The following PLPPR1 variants were observed in gnomAD, a reference collection of about 807,000 sequenced individuals.
PLPPR1 encodes phospholipid phosphatase related 1, also known as phospholipid phosphatase-related protein type 1.
In PLPPR1, 10 loss-of-function variants were observed where a neutral mutation model predicts 33.1. The ratio of observed to expected loss-of-function variants is 0.30; its 90% CI spans 0.19 to 0.51. The LOEUF is 0.51. PLPPR1 is among the 20% of genes least tolerant of loss of function. The pLI, the probability that PLPPR1 is intolerant of heterozygous loss-of-function variation, is 0.97. For synonymous variants in PLPPR1, 151 were observed against 151.0 expected (o/e 1.00, Z 0.00); for missense variants, 304 against 408.1 (o/e 0.74, Z 2.20).
intron 5 of PLPPR1, among the ~76,000 whole-genome samples, chr9:101,312,053 A>T (rs573276667): frequency 3.0e-4 from 45 of 152,368 alleles, no homozygotes; most frequent in African/African-American, 1.0e-3. Flanking sequence ...CTCAGGTGTC[A>T]TAACGTGTAT....
At chr9:101,139,211 A>T (rs1316514549) in intron 1 of PLPPR1, among the ~76,000 whole-genome samples, 1 of 152,192 alleles carries the variant, frequency 6.6e-6, no homozygotes, top group African/African-American at 2.4e-5. Context: ...ATAAAGACAG[A>T]ACTGTGTTCA....
intron 1 of PLPPR1, chr9:101,185,232 A>T: frequency 2.6e-6 from 1 of 390,232 alleles, no homozygotes; most frequent in South Asian, 8.0e-5. Context: ...TGACCTGGTC[A>T]TTTTGGCTGT....
chr9:101,060,752 AGTT>A (rs906823390), intron 1 of PLPPR1, among the ~76,000 whole-genome samples: 2 of 151,876 alleles, frequency 1.3e-5, no homozygotes, highest in Non-Finnish European at 2.9e-5. Flanking sequence ...TTCTCTCTAA[AGTT>A]GTCACTTTAG....
chr9:101,125,975 T>A, intron 1 of PLPPR1: 1 of 249,552 alleles, frequency 4.0e-6, no homozygotes. Flanking sequence ...ACCATGAAAC[T>A]GAAGCTTCAA....
chr9:101,165,183 G>C (rs1825838061), intron 1 of PLPPR1, among the ~76,000 whole-genome samples: 1 of 152,190 alleles, frequency 6.6e-6, no homozygotes, highest in African/African-American at 2.4e-5. Flanking sequence ...TTTGGAGTCT[G>C]ACTGAAAGAA....
intron 1 of PLPPR1, among the ~76,000 whole-genome samples, chr9:101,135,653 T>C (rs1392766352): frequency 1.3e-5 from 2 of 152,220 alleles, no homozygotes; most frequent in Admixed American, 1.3e-4. Flanking sequence ...TCCTGAATTA[T>C]GTTGGTCATT....
chr9:101,223,059 T>A (rs1338830682), intron 2 of PLPPR1, among the ~76,000 whole-genome samples: 1 of 145,352 alleles, frequency 6.9e-6, no homozygotes, highest in Non-Finnish European at 1.5e-5. Flanking sequence ...ACACAGGTAA[T>A]CCCTGTGCTG....
chr9:101,046,764 A>T (rs966613115), intron 1 of PLPPR1, among the ~76,000 whole-genome samples: 1 of 151,774 alleles, frequency 6.6e-6, no homozygotes, highest in African/African-American at 2.4e-5. Context: ...GTGTTACAAA[A>T]CCCAGTAAAA....
At chr9:101,054,912 G>A (rs890121198) in intron 1 of PLPPR1, among the ~76,000 whole-genome samples, 1 of 152,188 alleles carries the variant, frequency 6.6e-6, no homozygotes, top group African/African-American at 2.4e-5. Context: ...CGGCCCTGCT[G>A]TGAGCATGAA....
intron 1 of PLPPR1, among the ~76,000 whole-genome samples, chr9:101,180,207 T>C (rs554757477): frequency 7.3e-6 from 1 of 137,636 alleles, no homozygotes; most frequent in East Asian, 2.3e-4. Flanking sequence ...TACACACACA[T>C]ATATATACAC....
chr9:101,215,424 G>T (rs982622109), intron 2 of PLPPR1, among the ~76,000 whole-genome samples: 2 of 152,088 alleles, frequency 1.3e-5, no homozygotes, highest in African/African-American at 4.8e-5. Context: ...AGATCACAGG[G>T]CGTGCGCCAC....
intron 5 of PLPPR1, among the ~76,000 whole-genome samples, chr9:101,309,704 C>T (rs1313776265): frequency 1.3e-5 from 2 of 152,154 alleles, no homozygotes. Flanking sequence ...TAATTACATC[C>T]TCCCATTTAC....
At chr9:101,268,025 G>A (rs1308864752) in intron 2 of PLPPR1, among the ~76,000 whole-genome samples, 1 of 151,980 alleles carries the variant, frequency 6.6e-6, no homozygotes, top group African/African-American at 2.4e-5. Context: ...AACACCACAT[G>A]TTCTCACTCA....
intron 2 of PLPPR1, among the ~76,000 whole-genome samples, chr9:101,218,752 T>C (rs1420663258): frequency 6.6e-6 from 1 of 152,194 alleles, no homozygotes; most frequent in Non-Finnish European, 1.5e-5. Flanking sequence ...TAAAATGTAA[T>C]GATTAAGACT....
intron 3 of PLPPR1, among the ~76,000 whole-genome samples, chr9:101,275,715 C>A (rs1189998465): frequency 6.6e-6 from 1 of 152,156 alleles, no homozygotes; most frequent in East Asian, 1.9e-4. Context: ...TCAGCCCCAG[C>A]AGCACAAGGC....
intron 4 of PLPPR1, among the ~76,000 whole-genome samples, chr9:101,289,909 T>C (rs1828462844): frequency 6.6e-6 from 1 of 152,246 alleles, no homozygotes; most frequent in Non-Finnish European, 1.5e-5. Flanking sequence ...TAAGTATTCA[T>C]TTGCCTTCTG....
At chr9:101,203,647 CAT>C (rs112225114) in intron 2 of PLPPR1, among the ~76,000 whole-genome samples, 2 of 144,108 alleles carry the variant, frequency 1.4e-5, no homozygotes, top group African/African-American at 2.5e-5. Flanking sequence ...TGTGCAAACA[CAT>C]ATATCTATGT....
At chr9:101,302,014 A>G (rs762188675) in intron 4 of PLPPR1, among the ~76,000 whole-genome samples, 7 of 152,216 alleles carry the variant, frequency 4.6e-5, no homozygotes, top group Non-Finnish European at 1.0e-4. Flanking sequence ...TTAATAATAA[A>G]TAAGCTTAGA....
At chr9:101,067,442 G>T (rs1225666892) in intron 1 of PLPPR1, among the ~76,000 whole-genome samples, 3 of 151,938 alleles carry the variant, frequency 2.0e-5, no homozygotes, top group Non-Finnish European at 4.4e-5. Flanking sequence ...TATTGAATAG[G>T]ATGGTTAAAA....
Sources: allele counts gnomAD v4.1 joint callset (sites outside exome capture counted in the v4.1 genomes callset), GRCh38; gene constraint gnomAD v4.1.1; transcripts MANE v1.5; gene names NCBI Gene and HGNC (gene_info 2026-07-23, HGNC 2026-07-21).